AUTS2: variants seen among roughly 807,000 people sequenced by gnomAD.
The protein encoded by AUTS2 is activator of transcription and developmental regulator AUTS2.
Under a neutral mutation model 112.4 loss-of-function variants are expected in AUTS2, and 17 were observed. The ratio of observed to expected loss-of-function variants is 0.15; its 90% confidence interval spans 0.10 to 0.23. The LOEUF is 0.23. Ranked by LOEUF, AUTS2 falls within the 10% of genes least tolerant of loss-of-function variation. AUTS2 has a pLI of 1.00. For missense variants in AUTS2, 1,510 were observed against 1,701.6 expected, an observed-to-expected ratio of 0.89 and a Z score of 1.98; for synonymous variants, 751 against 702.7, an observed-to-expected ratio of 1.07 and a Z score of -1.09.
At chr7:69,852,031 G>A (rs1792506662) in intron 1 of AUTS2, among the ~76,000 whole-genome samples, 1 of 152,154 alleles carries the variant, frequency 6.6e-6, no homozygotes, top group Admixed American at 6.5e-5. Context: ...GGTAGTGAGA[G>A]TGGACATGCT....
chr7:69,619,330 T>G (rs1346464573), intron 1 of AUTS2, among the ~76,000 whole-genome samples: 1 of 152,042 alleles, frequency 6.6e-6, no homozygotes, highest in Non-Finnish European at 1.5e-5. Flanking sequence ...TCAGAAGTAT[T>G]GGGAGCTACT....
intron 5 of AUTS2, among the ~76,000 whole-genome samples, chr7:70,481,722 T>C (rs1797794793): frequency 1.3e-5 from 2 of 152,212 alleles, no homozygotes; most frequent in African/African-American, 4.8e-5. Context: ...GGGAATCTAA[T>C]AGGATTAAGT....
At chr7:69,808,084 T>C (rs1172835084) in intron 1 of AUTS2, among the ~76,000 whole-genome samples, 1 of 151,822 alleles carries the variant, frequency 6.6e-6, no homozygotes, top group East Asian at 1.9e-4. Flanking sequence ...TGCACTACCA[T>C]GCCTGGCTAA....
At chr7:70,739,003 C>CTTTTTTTTT (rs57525224) in intron 6 of AUTS2, among the ~76,000 whole-genome samples, 1,073 of 57,222 alleles carry the variant, frequency 0.019, 193 homozygotes, top group Non-Finnish European at 0.027. Flanking sequence ...GTTTTGAGGC[C>CTTTTTTTTT]TTTTTTTTTT....
At chr7:70,752,439 G>A (rs1398918606) in intron 6 of AUTS2, among the ~76,000 whole-genome samples, 2 of 152,084 alleles carry the variant, frequency 1.3e-5, no homozygotes, top group East Asian at 3.9e-4. Context: ...CCTTGGGGTC[G>A]GTGCAGTGGG....
intron 5 of AUTS2, among the ~76,000 whole-genome samples, chr7:70,688,246 G>C (rs1392831737): frequency 6.6e-6 from 1 of 152,188 alleles, no homozygotes; most frequent in Non-Finnish European, 1.5e-5. Flanking sequence ...TGGGTATGTT[G>C]AGCAAGGCCT....
chr7:70,483,180 T>C (rs577830797), intron 5 of AUTS2, among the ~76,000 whole-genome samples: 9 of 152,172 alleles, frequency 5.9e-5, no homozygotes, highest in African/African-American at 1.7e-4. Flanking sequence ...CCAGGGGAGC[T>C]CATGACTGGC....
In AUTS2 at chr7:69,904,055, C is replaced by A. The variant is rs530335304; in HGVS notation, c.522+4557C>A. On this transcript the variant is annotated intron_variant, in intron 2 of 18. Transcript: ENST00000342771. ...CAGGCATTTAAAATTAGAGTGATTA[C>A]TAGAACTCTGCATGGTTGCATCTGC... Among the ~76,000 whole-genome samples the A allele has an allele frequency of 1.1e-4, 16 of 152,306 alleles. No homozygotes were observed. In the East Asian group the frequency reaches 3.1e-3, roughly 29 times the overall value.
intron 1 of AUTS2, among the ~76,000 whole-genome samples, chr7:69,777,806 G>C (rs1335119578): frequency 2.6e-5 from 4 of 152,132 alleles, no homozygotes; most frequent in Non-Finnish European, 4.4e-5. Flanking sequence ...TCTTTGGATG[G>C]TATGGGGAGA....
intron 4 of AUTS2, among the ~76,000 whole-genome samples, chr7:70,417,006 A>G (rs749098548): frequency 5.3e-5 from 8 of 152,210 alleles, no homozygotes; most frequent in Non-Finnish European, 1.2e-4. Context: ...AAGCGGTCTC[A>G]GTGGTGGGCC....
intron 4 of AUTS2, among the ~76,000 whole-genome samples, chr7:70,391,611 TC>T (rs1793861770): frequency 6.6e-6 from 1 of 152,042 alleles, no homozygotes; most frequent in South Asian, 2.1e-4. Flanking sequence ...AACTTACTCT[TC>T]CAGGTGAGAT....
intron 2 of AUTS2, among the ~76,000 whole-genome samples, chr7:69,923,514 G>C (rs950140871): frequency 2.6e-5 from 4 of 152,188 alleles, no homozygotes; most frequent in African/African-American, 9.6e-5. Flanking sequence ...CAAGATGTTG[G>C]TTGAGATTAT....
chr7:69,913,599 C>G (rs1274687408), intron 2 of AUTS2, among the ~76,000 whole-genome samples: 2 of 152,184 alleles, frequency 1.3e-5, no homozygotes, highest in South Asian at 4.1e-4. Context: ...ATCCTTTACT[C>G]GAGGATACCC....
At chr7:69,630,225 C>G (rs934934052) in intron 1 of AUTS2, among the ~76,000 whole-genome samples, 1 of 152,116 alleles carries the variant, frequency 6.6e-6, no homozygotes, top group Non-Finnish European at 1.5e-5. Flanking sequence ...CCACTTCACT[C>G]CAGCCTAGGT....
intron 2 of AUTS2, among the ~76,000 whole-genome samples, chr7:70,111,332 A>G (rs780298066): frequency 4.6e-5 from 7 of 152,224 alleles, no homozygotes; most frequent in Non-Finnish European, 1.0e-4. Context: ...CAAGTGAACT[A>G]TTAACAGGAT....
At chr7:70,168,072 C>A (rs186015111) in intron 4 of AUTS2, among the ~76,000 whole-genome samples, 1 of 152,320 alleles carries the variant, frequency 6.6e-6, no homozygotes, top group African/African-American at 2.4e-5. Flanking sequence ...TTGAACTTGA[C>A]AACTAATCAG....
intron 1 of AUTS2, among the ~76,000 whole-genome samples, chr7:69,689,667 TA>T: frequency 7.1e-6 from 1 of 140,628 alleles, no homozygotes; most frequent in Non-Finnish European, 1.5e-5. Flanking sequence ...TTTATTTATT[TA>T]TTTATTTATT....
intron 4 of AUTS2, among the ~76,000 whole-genome samples, chr7:70,411,660 A>T (rs1445075231): frequency 6.6e-6 from 1 of 152,200 alleles, no homozygotes; most frequent in Non-Finnish European, 1.5e-5. Flanking sequence ...TATAGATACT[A>T]CATATAATTA....
At chr7:70,604,734 A>G (rs1280838995) in intron 5 of AUTS2, among the ~76,000 whole-genome samples, 1 of 152,162 alleles carries the variant, frequency 6.6e-6, no homozygotes, top group African/African-American at 2.4e-5. Context: ...TCAGACCACC[A>G]CAGTCCTTGG....
Sources: allele counts gnomAD v4.1 joint callset (sites outside exome capture counted in the v4.1 genomes callset), GRCh38; gene constraint gnomAD v4.1.1; transcripts MANE v1.5; gene names NCBI Gene and HGNC (gene_info 2026-07-23, HGNC 2026-07-21).